Variants in MCF2L2 observed in about 807,000 individuals in gnomAD.
MCF2L2 encodes the protein probable guanine nucleotide exchange factor MCF2L2.
A neutral mutation model predicts 150.2 loss-of-function variants in MCF2L2; 102 were observed. The ratio of observed to expected loss-of-function variants is 0.68; its 90% CI spans 0.58 to 0.80. The LOEUF (loss-of-function observed/expected upper bound fraction) is 0.80. Among genes scored for constraint, MCF2L2 ranks in the 30% least tolerant of loss-of-function variants. MCF2L2 has a pLI of 0.00. For missense variants in MCF2L2, 1,256 were observed against 1,372.8 expected (o/e 0.91, Z 1.34); for synonymous variants, 465 against 491.3 (o/e 0.95, Z 0.71).
chr3:183,271,216 A>C (rs554069497), intron 15 of MCF2L2: 19 of 267,094 alleles, frequency 7.1e-5, no homozygotes, highest in Non-Finnish European at 1.4e-4. Flanking sequence ...TGCCACATAT[A>C]TACTTGAGGT....
intron 15 of MCF2L2, among the ~76,000 whole-genome samples, chr3:183,259,863 T>G (rs1287557756): frequency 6.6e-6 from 1 of 152,136 alleles, no homozygotes; most frequent in Non-Finnish European, 1.5e-5. Flanking sequence ...GAGGGAAAAC[T>G]GAAATGGAAG....
rs1177927133 is a variant in MCF2L2 at position 183,295,429 on chromosome 3, A to G, written c.1546T>C (p.Phe516Leu). 1.2e-6 allele frequency: 2 copies of G among 1,614,120 alleles called. No individual in the cohort carries two copies. Among genetic ancestry groups the G allele is most frequent in the Non-Finnish European group, 1.7e-6 (2 of 1,180,004 alleles). Reference protein sequence around the residue: ...LQRLDDVQEIFHKRQVSLMKL... With the variant: ...LQRLDDVQEILHKRQVSLMKL... ...ATCAGACTCACTTGCCTCTTGTGAA[A>G]TATTTCCTGGACATCATCCAGCCTC... Residue 516 changes from phenylalanine (F) to leucine (L), a missense_variant, in exon 13 of 30, where the codon TTT (phenylalanine) becomes CTT (leucine). Physicochemically the swap from Phe to Leu is conservative, Grantham distance 22. Coordinates refer to ENST00000328913, the MANE Select transcript of MCF2L2 (RefSeq NM_015078.4).
intron 1 of MCF2L2, among the ~76,000 whole-genome samples, chr3:183,415,435 C>T (rs557182501): frequency 6.6e-6 from 1 of 152,306 alleles, no homozygotes; most frequent in South Asian, 2.1e-4. Context: ...GATCTACCCA[C>T]CTCGGCCTCC....
chr3:183,383,249 T>A (rs1343072496), intron 2 of MCF2L2, among the ~76,000 whole-genome samples: 11 of 152,024 alleles, frequency 7.2e-5, no homozygotes, highest in South Asian at 2.1e-4. Flanking sequence ...TTATTTATTT[T>A]TTGAGATGGA....
chr3:183,202,104 G>C (rs1241150447), intron 25 of MCF2L2, among the ~76,000 whole-genome samples: 1 of 152,170 alleles, frequency 6.6e-6, no homozygotes, highest in African/African-American at 2.4e-5. Context: ...GGGCAGAACA[G>C]GAATGGGGGA....
At chr3:183,337,326 G>C (rs1343269276) in intron 5 of MCF2L2, among the ~76,000 whole-genome samples, 3 of 152,158 alleles carry the variant, frequency 2.0e-5, no homozygotes, top group African/African-American at 7.2e-5. Context: ...GGAGGCTGAA[G>C]CGGGTGGATT....
At position 183,219,915 on chromosome 3, in the gene MCF2L2, C is replaced by A. The variant is rs752382981; in HGVS notation, c.2311G>T (p.Asp771Tyr). The change falls in exon 21 of 30, where the codon GAT (aspartate) becomes TAT (tyrosine). Residue 771 changes from aspartate to tyrosine, a missense_variant. By Grantham distance (160) the Asp-to-Tyr change is radical (BLOSUM62 -3). Coordinates refer to ENST00000328913, the MANE Select transcript of MCF2L2 (RefSeq NM_015078.4). ...KYQMLLKGLL[D>Y]FESPEDMEID... The stretch of plus-strand genomic sequence containing the variant: ...TCCATATCTTCAGGAGACTCGAAAT[C>A]CAGCAGACCCTGCATTAACCCAAAA... 1 of 1,613,062 alleles carries A rather than the reference C, an allele frequency of 6.2e-7. No individual in the cohort carries two copies. Among genetic ancestry groups the A allele is most frequent in the South Asian group, 1.1e-5 (1 of 90,996 alleles).
intron 25 of MCF2L2, among the ~76,000 whole-genome samples, chr3:183,199,216 G>C (rs1722174972): frequency 2.0e-5 from 3 of 152,176 alleles, no homozygotes. Flanking sequence ...AAAAGTGTGA[G>C]CCAGTTGCAT....
chr3:183,219,702 G>GT (rs1178244990), intron 21 of MCF2L2, among the ~76,000 whole-genome samples, 154 bp downstream of exon 21: 3 of 150,534 alleles, frequency 2.0e-5, no homozygotes, highest in Non-Finnish European at 4.4e-5. Flanking sequence ...TAATTTTTTT[G>GT]TTTTTTTTCT....
At chr3:183,222,732 C>T (rs879661253) in intron 20 of MCF2L2, among the ~76,000 whole-genome samples, 1 of 152,122 alleles carries the variant, frequency 6.6e-6, no homozygotes, top group Non-Finnish European at 1.5e-5. Flanking sequence ...CCAAACCTTT[C>T]TCTCAAGCTC....
intron 15 of MCF2L2, among the ~76,000 whole-genome samples, chr3:183,268,009 A>G (rs1726328303): frequency 1.3e-5 from 2 of 152,182 alleles, no homozygotes. Context: ...ATGGGGTATA[A>G]GAAGGTGCTG....
chr3:183,271,592 A>G (rs978069521), intron 15 of MCF2L2: 4 of 167,038 alleles, frequency 2.4e-5, no homozygotes, highest in Non-Finnish European at 4.4e-5. Context: ...TAGAAAAGTG[A>G]TTAATGTTGC....
chr3:183,233,592 T>C (rs1481973092), intron 15 of MCF2L2, among the ~76,000 whole-genome samples: 3 of 152,122 alleles, frequency 2.0e-5, no homozygotes, highest in Non-Finnish European at 4.4e-5. Flanking sequence ...AATGAATGTG[T>C]ATGTAGAAAT....
chr3:183,354,379 T>A (rs1356839039), intron 3 of MCF2L2, among the ~76,000 whole-genome samples: 1 of 152,210 alleles, frequency 6.6e-6, no homozygotes, highest in East Asian at 1.9e-4. Context: ...GAGATTTAAC[T>A]GAGAGTCTGG....
At chr3:183,198,329 C>CA (rs1355545722) in intron 25 of MCF2L2, among the ~76,000 whole-genome samples, 14 of 144,554 alleles carry the variant, frequency 9.7e-5, no homozygotes, top group South Asian at 4.3e-4. Flanking sequence ...GAAGCCAGAC[C>CA]AAAAAAAAAA....
chr3:183,282,281 C>G (rs896902990), intron 14 of MCF2L2, among the ~76,000 whole-genome samples: 1 of 151,922 alleles, frequency 6.6e-6, no homozygotes, highest in Non-Finnish European at 1.5e-5. Context: ...CTGGTTCATG[C>G]CATTCTCCTG....
chr3:183,340,227 A>G (rs567451447), intron 4 of MCF2L2, among the ~76,000 whole-genome samples: 9 of 152,286 alleles, frequency 5.9e-5, no homozygotes, highest in African/African-American at 2.2e-4. Context: ...GTGAATTTGG[A>G]TGAGGCTCTA....
chr3:183,407,248 C>T (rs546301683), intron 1 of MCF2L2, among the ~76,000 whole-genome samples: 3 of 152,246 alleles, frequency 2.0e-5, no homozygotes, highest in East Asian at 3.9e-4. Context: ...ACCACACTGT[C>T]GTGATTACTT....
chr3:183,194,343 G>T (rs545374887), intron 26 of MCF2L2, among the ~76,000 whole-genome samples: 110 of 152,322 alleles, frequency 7.2e-4, no homozygotes, highest in Admixed American at 2.7e-3. Context: ...GACGAAGATT[G>T]TAAGTCGCAG....
Sources: gnomAD v4.1 joint callset for allele counts (sites outside exome capture counted in the v4.1 genomes callset) on GRCh38, gnomAD v4.1.1 for gene constraint, MANE v1.5 for transcripts, NCBI Gene and HGNC (gene_info 2026-07-23, HGNC 2026-07-21) for gene names.